SPON2: variants seen among roughly 807,000 people sequenced by gnomAD.
The protein encoded by SPON2 is spondin-2.
SPON2 carries 32 observed loss-of-function variants against 29.9 expected under a neutral mutation model. The observed-to-expected ratio is 1.07, with a 90% CI of 0.81 to 1.44. SPON2 has a LOEUF of 1.44. Among genes scored for constraint, SPON2 ranks in the 40% most tolerant of loss-of-function variants. The pLI, the probability that SPON2 is intolerant of heterozygous loss-of-function variation, is 0.00. For synonymous variants in SPON2, 248 were observed against 209.1 expected (o/e 1.19, Z -1.61); for missense variants, 541 against 455.5 (o/e 1.19, Z -1.71).
chr4:1,172,170 C>G (rs1727482007), intron 1 of SPON2, 96 bp from the exon 2 acceptor site: 2 of 1,041,126 alleles, frequency 1.9e-6, no homozygotes, highest in Non-Finnish European at 2.8e-6. Context: ...GCTCTGAGGA[C>G]GGCCCCGAGC....
intron 1 of SPON2, among the ~76,000 whole-genome samples, chr4:1,207,657 T>A (rs1433791563): frequency 6.7e-6 from 1 of 149,594 alleles, no homozygotes; most frequent in Non-Finnish European, 1.5e-5. Flanking sequence ...TGCCTAACCA[T>A]GCGCCGCGCT....
rs1405310664 is a variant in SPON2, at chr4:1,167,393, CGCCTGCAGCATGA to C, written c.*66_*78del. ...GCGCGAAACCCCCTGTGCCCTCGGC[CGCCTGCAGCATGA>C]GCCTGCACAGGAGCCCCCGACACCC... On this transcript the variant is annotated 3_prime_UTR_variant, in exon 6 of 6. Transcript: ENST00000290902. 1.0e-5 allele frequency: 15 copies of C among 1,446,440 alleles called. No homozygotes were observed. The highest frequency in any genetic ancestry group is 2.4e-4 in the Middle Eastern group (1 of 4,092). The allele number at this position is 1,446,440 out of a possible 1,614,324, so 89.6% of individuals were successfully genotyped here.
chr4:1,170,306 T>C, intron 5 of SPON2, 96 bp downstream of exon 5: 1 of 1,248,514 alleles, frequency 8.0e-7, no homozygotes, highest in Non-Finnish European at 1.1e-6. Context: ...GAATCCCTAC[T>C]TGGAATTTCT....
intron 1 of SPON2, among the ~76,000 whole-genome samples, chr4:1,186,046 C>T (rs1000254855): frequency 4.0e-5 from 6 of 149,862 alleles, no homozygotes; most frequent in Admixed American, 6.7e-5. Context: ...AGATCGAGAC[C>T]ATCCTGGCTA....
intron 1 of SPON2, among the ~76,000 whole-genome samples, chr4:1,189,625 T>G (rs1312360235): frequency 1.9e-5 from 2 of 104,910 alleles, no homozygotes; most frequent in African/African-American, 3.8e-5. Flanking sequence ...GGCAACAGAG[T>G]GAGACCCTGT....
rs1728231460 is a variant in SPON2, at chr4:1,202,311, G to T, written c.-234+5569C>A. On this transcript the variant is annotated intron_variant, in intron 1 of 3. Transcript: ENST00000509233. This position sits in a 1 kb window ranked among gnomAD's most constrained non-coding sequence, Gnocchi z 5.4. ...TCACAAGGGCTCTGCCTCGTGAGTG[G>T]ATCAAACACCTCCCATCAGTCCCCA... is the stretch of plus-strand genomic sequence containing the variant. Among the ~76,000 whole-genome samples, 1 of 152,176 alleles carries T rather than the reference G, an allele frequency of 6.6e-6. No homozygotes were observed. The highest frequency in any genetic ancestry group is 6.5e-5 in the Admixed American group (1 of 15,284).
In SPON2 at chr4:1,167,582, G is replaced by A. The variant is rs1727284706; in HGVS notation, c.886C>T (p.Leu296Phe). 1.9e-6 allele frequency: 3 copies of A among 1,613,540 alleles called. No homozygotes were observed. The highest frequency in any genetic ancestry group is 1.7e-6 in the Non-Finnish European group (2 of 1,180,000). The change falls in exon 6 of 6, where the codon CTC becomes TTC. Residue 296 changes from leucine (L) to phenylalanine (F), a missense_variant. Leu to Phe is a conservative substitution (Grantham distance 22). Coordinates refer to ENST00000290902, the MANE Select transcript of SPON2 (RefSeq NM_012445.4). ...TAGCGAGTCCTGCTCTTGGTCCCGA[G>A]CCTCCCACAGTGGCCTCCGCACAGT... ...WGLCGGHCGRLGTKSRTRYVR... is the reference protein window; with the variant it reads ...WGLCGGHCGRFGTKSRTRYVR...
rs376817295 is a variant in SPON2 at position 1,167,283 on chromosome 4, A to C, written c.*189T>G. On this transcript the variant is annotated 3_prime_UTR_variant, in exon 6 of 6. Transcript: ENST00000290902. Reference sequence around the variant, plus strand: ...TAAGAAGCAAGGTTGGGAAAGGAGGAGGCTGTTTCCCAATGCCCGTGCCGG... The same window carrying C: ...TAAGAAGCAAGGTTGGGAAAGGAGGCGGCTGTTTCCCAATGCCCGTGCCGG... 1.6e-4 allele frequency: 91 copies of C among 569,962 alleles called. No homozygotes were observed. In the South Asian group the frequency reaches 2.1e-3, roughly 13 times the overall value. The allele number at this position is 569,962 out of a possible 1,614,324, so 35.3% of individuals were successfully genotyped here.
chr4:1,193,164 C>T (rs1727948369), intron 1 of SPON2, among the ~76,000 whole-genome samples: 1 of 152,250 alleles, frequency 6.6e-6, no homozygotes, highest in African/African-American at 2.4e-5. Context: ...ACACACCATG[C>T]ACATGCCTGC....
intron 1 of SPON2, among the ~76,000 whole-genome samples, chr4:1,187,802 C>A (rs921672783): frequency 1.3e-5 from 2 of 152,110 alleles, no homozygotes; most frequent in East Asian, 1.9e-4. Flanking sequence ...TCACTCTCTG[C>A]AGTTGTCTTT....
chr4:1,179,184 T>C (rs73793105), intron 2 of SPON2, among the ~76,000 whole-genome samples: 2,989 of 151,266 alleles, frequency 0.02, 97 homozygotes, highest in African/African-American at 0.069. Flanking sequence ...GCCCGGCTGC[T>C]TCACCTCTGG....
upstream of SPON2, among the ~76,000 whole-genome samples, chr4:1,177,085 G>T (rs1234049776): frequency 6.6e-6 from 1 of 152,204 alleles, no homozygotes; most frequent in Non-Finnish European, 1.5e-5. Context: ...CTGAGGACAG[G>T]GCCTTCCTGG....
At chr4:1,195,616 C>T (rs545181765), upstream of SPON2, among the ~76,000 whole-genome samples, 1 of 152,312 alleles carries the variant, frequency 6.6e-6, no homozygotes, top group South Asian at 2.1e-4. Flanking sequence ...AGGGTGGGCT[C>T]TGTGCAAAAC....
chr4:1,175,868 T>G (rs534718302), upstream of SPON2, among the ~76,000 whole-genome samples: 2 of 152,008 alleles, frequency 1.3e-5, no homozygotes, highest in East Asian at 3.9e-4. Context: ...CCACAGCTGA[T>G]TTGTCTGGGA....
At chr4:1,167,865 C>G (rs1365123447) in intron 5 of SPON2, 5 of 472,736 alleles carry the variant, frequency 1.1e-5, no homozygotes, top group Non-Finnish European at 3.7e-6. Context: ...ACTGGAGTTG[C>G]GCGTTTCTAC....
upstream of SPON2, chr4:1,198,905 C>T (rs1358432913): frequency 6.6e-6 from 1 of 151,738 alleles, no homozygotes; most frequent in African/African-American, 2.4e-5. Flanking sequence ...GATCGTTCTA[C>T]GTGGAAAACA....
intron 5 of SPON2, 112 bp downstream of exon 5, chr4:1,170,290 C>T: frequency 1.0e-6 from 1 of 979,834 alleles, no homozygotes; most frequent in Non-Finnish European, 1.6e-6. Flanking sequence ...TTGCAGTACG[C>T]ACTACGAATC....
chr4:1,174,792 G>A (rs1001024549), upstream of SPON2, among the ~76,000 whole-genome samples: 1 of 152,230 alleles, frequency 6.6e-6, no homozygotes, highest in Non-Finnish European at 1.5e-5. Context: ...CTTAGTGGAA[G>A]CTGGATTCCC....
intron 5 of SPON2, 160 bp from the exon 6 acceptor site, chr4:1,167,816 A>T (rs577444119): frequency 1.5e-6 from 1 of 683,392 alleles, no homozygotes; most frequent in Admixed American, 3.4e-5. Context: ...GAGCGGCAAG[A>T]TGGGATGGCA....
Sources: gnomAD v4.1 joint callset for allele counts (sites outside exome capture counted in the v4.1 genomes callset) on GRCh38, gnomAD v4.1.1 for gene constraint, Gnocchi (gnomAD v3.1) non-coding constraint, MANE v1.5 for transcripts, NCBI Gene and HGNC (gene_info 2026-07-23, HGNC 2026-07-21) for gene names.